RBFOX1: variants seen among roughly 807,000 people sequenced by gnomAD.
The protein encoded by RBFOX1 is RNA binding fox-1 homolog 1, also known as RNA binding protein fox-1 homolog 1.
RBFOX1 carries 8 observed loss-of-function variants against 57.7 expected under a neutral mutation model. That is an observed-to-expected ratio of 0.14 (90% CI 0.08 to 0.25). The LOEUF (loss-of-function observed/expected upper bound fraction) is 0.25. Ranked by LOEUF, RBFOX1 falls within the 10% of genes least tolerant of loss-of-function variation. The probability of loss-of-function intolerance (pLI) is 1.00; values close to 1 mark genes in which losing one functional copy is unlikely to be tolerated. For missense variants in RBFOX1, 611 were observed against 548.5 expected, an observed-to-expected ratio of 1.11 and a Z score of -1.14; for synonymous variants, 326 against 222.4, an observed-to-expected ratio of 1.47 and a Z score of -4.15.
In RBFOX1 at chr16:6,103,356, T is replaced by C. The variant is rs369921759; in HGVS notation, c.-127+83364T>C. Among the ~76,000 whole-genome samples the C allele has an allele frequency of 5.9e-5, 9 of 152,068 alleles. No individual in the cohort carries two copies. The East Asian group carries it at 1.4e-3, about 23-fold the overall frequency. Reference sequence around the variant, plus strand: ...CCCTTCATAAGTATTTTTGTGAAAGTTAAATTAGATGACATATGTAAGATA... The same window carrying C: ...CCCTTCATAAGTATTTTTGTGAAAGCTAAATTAGATGACATATGTAAGATA... On this transcript the variant is annotated intron_variant, in intron 1 of 15. Coordinates refer to ENST00000550418, the MANE Select transcript of RBFOX1 (RefSeq NM_018723.4).
intron 3 of RBFOX1, among the ~76,000 whole-genome samples, chr16:6,664,944 C>T (rs536665748): frequency 2.0e-4 from 30 of 152,262 alleles, no homozygotes; most frequent in Non-Finnish European, 3.4e-4. Context: ...GGACAGACAT[C>T]GTTTGTAAAT....
chr16:5,288,468 A>T (rs187638241), intron 1 of RBFOX1, among the ~76,000 whole-genome samples: 2 of 152,154 alleles, frequency 1.3e-5, no homozygotes, highest in African/African-American at 4.8e-5. Context: ...TTCTAAAGTG[A>T]ATTACACATT....
chr16:7,522,758 A>T (rs1053113529), intron 5 of RBFOX1, among the ~76,000 whole-genome samples: 1 of 152,248 alleles, frequency 6.6e-6, no homozygotes, highest in Admixed American at 6.5e-5. Context: ...GAAGTGTTTT[A>T]TAGGCGATAA....
At chr16:5,513,515 C>T (rs1030100714) in intron 2 of RBFOX1, among the ~76,000 whole-genome samples, 1 of 152,108 alleles carries the variant, frequency 6.6e-6, no homozygotes, top group Non-Finnish European at 1.5e-5. Context: ...ATTCTGTGCT[C>T]TTTGGGAGGA....
At chr16:6,172,167 G>T (rs2096965729) in intron 1 of RBFOX1, among the ~76,000 whole-genome samples, 1 of 152,046 alleles carries the variant, frequency 6.6e-6, no homozygotes, top group African/African-American at 2.4e-5. Flanking sequence ...GCATGGTGGT[G>T]GACAAACCAG....
chr16:7,177,802 T>C (rs185792791), intron 4 of RBFOX1, among the ~76,000 whole-genome samples: 176 of 152,310 alleles, frequency 1.2e-3, no homozygotes, highest in Non-Finnish European at 1.8e-3. Context: ...CAAAAGCCCC[T>C]GTGGACAATG....
chr16:6,728,173 T>A (rs1178528158), intron 3 of RBFOX1, among the ~76,000 whole-genome samples: 1 of 152,208 alleles, frequency 6.6e-6, no homozygotes, highest in East Asian at 1.9e-4. Flanking sequence ...TTTTGGAAAA[T>A]TACTTCAAGC....
intron 1 of RBFOX1, among the ~76,000 whole-genome samples, chr16:6,219,501 C>T (rs2097357922): frequency 6.6e-6 from 1 of 152,070 alleles, no homozygotes; most frequent in Non-Finnish European, 1.5e-5. Context: ...TCTATTGATC[C>T]AGTCGTGGTC....
chr16:6,858,506 G>GATACAA (rs2058323420), intron 3 of RBFOX1, among the ~76,000 whole-genome samples: 3 of 152,128 alleles, frequency 2.0e-5, no homozygotes, highest in Admixed American at 6.6e-5. Flanking sequence ...CATACTCCTT[G>GATACAA]AAGCTGCTTT....
At position 5,379,299 on chromosome 16, in the gene RBFOX1, G is replaced by A. The variant is rs370710055; in HGVS notation, c.220-87917G>A. Among the ~76,000 whole-genome samples the A allele has an allele frequency of 7.3e-4, 110 of 151,056 alleles. 3 individuals are homozygous for A. In the South Asian group the frequency reaches 0.021, roughly 29 times the overall value. The stretch of plus-strand genomic sequence containing the variant: ...TTAAAATATGAAAGCAGTTTTTATC[G>A]TTTTTTTTCTCAGTTATTTTATCTT... On this transcript the variant is annotated intron_variant, in intron 1 of 2. Transcript: ENST00000585867.
intron 3 of RBFOX1, among the ~76,000 whole-genome samples, chr16:6,665,334 C>A (rs1351712081): frequency 6.6e-6 from 1 of 152,168 alleles, no homozygotes; most frequent in Admixed American, 6.5e-5. Context: ...AGGGAGGGGG[C>A]TGGGCACGGT....
chr16:6,841,679 GT>G (rs550916490), intron 3 of RBFOX1, among the ~76,000 whole-genome samples: 1 of 152,176 alleles, frequency 6.6e-6, no homozygotes, highest in South Asian at 2.1e-4. Context: ...TTAGCCCTCT[GT>G]GGAAAATGAT....
intron 4 of RBFOX1, among the ~76,000 whole-genome samples, chr16:7,076,317 C>T (rs977526037): frequency 6.6e-6 from 1 of 152,058 alleles, no homozygotes; most frequent in African/African-American, 2.4e-5. Flanking sequence ...CAGGCGTGAA[C>T]CACCACTCCC....
intron 4 of RBFOX1, among the ~76,000 whole-genome samples, chr16:7,082,214 A>G (rs1196573410): frequency 6.6e-6 from 1 of 152,188 alleles, no homozygotes; most frequent in Non-Finnish European, 1.5e-5. Flanking sequence ...ATGGTTCAGG[A>G]TGAATCTACC....
intron 2 of RBFOX1, among the ~76,000 whole-genome samples, chr16:6,412,444 C>A (rs1398402402): frequency 1.3e-5 from 2 of 152,166 alleles, no homozygotes; most frequent in Non-Finnish European, 2.9e-5. Context: ...GTTCAATTCA[C>A]ACTATTCATG....
At position 7,189,251 on chromosome 16, in the gene RBFOX1, C is replaced by A. The variant is rs1297148509; in HGVS notation, c.27+137153C>A. The stretch of plus-strand genomic sequence containing the variant: ...CCATCCTGGCTAACACAGTGAAACC[C>A]CATCTCTACTAAAAATACAAAAAAA... On this transcript the variant is annotated intron_variant, in intron 4 of 15. Transcript: ENST00000550418. Among the ~76,000 whole-genome samples the A allele has an allele frequency of 2.0e-5, 3 of 151,556 alleles. No individual in the cohort carries two copies. In the South Asian group the frequency reaches 6.3e-4, roughly 32 times the overall value.
chr16:6,747,892 A>C (rs541912082), intron 3 of RBFOX1, among the ~76,000 whole-genome samples: 10 of 152,262 alleles, frequency 6.6e-5, no homozygotes, highest in African/African-American at 2.2e-4. Context: ...TGGCTTCACC[A>C]TTGTAAAACT....
rs867438626 is a variant in RBFOX1, at chr16:5,969,384, T to C, written c.351+102049T>C. Among the ~76,000 whole-genome samples, 4 of 140,726 alleles carry C rather than the reference T, an allele frequency of 2.8e-5. No homozygotes were observed. The South Asian group carries it at 9.6e-4, about 34-fold the overall frequency. 92.3% of individuals were successfully genotyped at this position (140,726 alleles called of 152,430 possible). A position where few individuals can be genotyped will look rare whatever the true frequency, so the allele number is the denominator to read the frequency against. ...TGGAGTGCAATGGTATGAACTAGGC[T>C]CACTGCAACCTCTGCCTTCTGGGTT... On this transcript the variant is annotated intron_variant, in intron 4 of 19. Transcript: ENST00000641259.
At chr16:6,938,817 A>C (rs1304097035) in intron 3 of RBFOX1, among the ~76,000 whole-genome samples, 2 of 152,150 alleles carry the variant, frequency 1.3e-5, no homozygotes, top group East Asian at 3.8e-4. Context: ...CTGTAATCCC[A>C]GCTACTCGGT....
Sources: gnomAD v4.1 joint callset for allele counts (sites outside exome capture counted in the v4.1 genomes callset) on GRCh38, gnomAD v4.1.1 for gene constraint, MANE v1.5 for transcripts, NCBI Gene and HGNC (gene_info 2026-07-23, HGNC 2026-07-21) for gene names.